The following ANKFN1 variants were observed in gnomAD, a reference collection of about 807,000 sequenced individuals.
ANKFN1 encodes the protein ankyrin repeat and fibronectin type-III domain-containing protein 1.
In ANKFN1, 74 loss-of-function variants were observed where a neutral mutation model predicts 108.7. That is an observed-to-expected ratio of 0.68 (90% CI 0.56 to 0.83). The LOEUF is 0.83. Among genes scored for constraint, ANKFN1 ranks in the 40% least tolerant of loss-of-function variants. The pLI is 0.00. For synonymous variants in ANKFN1, 547 were observed against 516.2 expected (o/e 1.06, Z -0.81); for missense variants, 1,505 against 1,382.3 (o/e 1.09, Z -1.41).
chr17:56,489,438 A>G (rs2050958202), intron 18 of ANKFN1, among the ~76,000 whole-genome samples: 1 of 137,750 alleles, frequency 7.3e-6, no homozygotes, highest in Non-Finnish European at 1.5e-5. Context: ...GTAACATTAA[A>G]GGGTCTGGAT....
intron 4 of ANKFN1, among the ~76,000 whole-genome samples, chr17:56,136,673 TTA>T (rs1171194936): frequency 6.6e-6 from 1 of 152,158 alleles, no homozygotes; most frequent in Non-Finnish European, 1.5e-5. Context: ...TAAATGTCAT[TTA>T]TATACCAAAC....
At chr17:56,281,650 A>T (rs1165614104) in intron 3 of ANKFN1, among the ~76,000 whole-genome samples, 6 of 152,216 alleles carry the variant, frequency 3.9e-5, no homozygotes, top group African/African-American at 1.4e-4. Flanking sequence ...AAACTCAACA[A>T]CAAAAAGACA....
chr17:56,385,404 G>T (rs2144841061), intron 8 of ANKFN1, among the ~76,000 whole-genome samples: 1 of 152,254 alleles, frequency 6.6e-6, no homozygotes, highest in East Asian at 1.9e-4. Context: ...CAGGACATAG[G>T]CATGGGCAAG....
chr17:56,189,769 C>T (rs1912699668), intron 1 of ANKFN1, among the ~76,000 whole-genome samples: 1 of 152,150 alleles, frequency 6.6e-6, no homozygotes, highest in Non-Finnish European at 1.5e-5. Flanking sequence ...TATGATTCAG[C>T]CTACCCCAGC....
At chr17:56,243,657 A>G (rs966408673) in intron 3 of ANKFN1, among the ~76,000 whole-genome samples, 9 of 152,110 alleles carry the variant, frequency 5.9e-5, no homozygotes, top group Non-Finnish European at 1.3e-4. Context: ...CCTAGCCCTG[A>G]TTCCAGATGG....
At chr17:56,072,468 T>C (rs1326908626) in intron 4 of ANKFN1, among the ~76,000 whole-genome samples, 1 of 152,178 alleles carries the variant, frequency 6.6e-6, no homozygotes. Context: ...GCATGTTCAA[T>C]GAGCCTCCAT....
chr17:56,179,498 A>T lies in ANKFN1; in HGVS notation c.-71+25968A>T, dbSNP rs180960241. 4.1e-3 allele frequency among the ~76,000 whole-genome samples: 623 copies of T among 152,316 alleles called. 2 individuals carry two copies. Among genetic ancestry groups the T allele is most frequent in the Non-Finnish European group, 6.8e-3 (462 of 68,024 alleles). On this transcript the variant is annotated intron_variant, in intron 1 of 20. Coordinates refer to ENST00000682825, the MANE Select transcript of ANKFN1 (RefSeq NM_001370326.1). ...TTCAAAGTGCTAGAGGGGGGATAAA[A>T]AAACAGGCAAAAATTGAGACAAGAG...
At chr17:56,237,906 G>A (rs552175521) in intron 3 of ANKFN1, among the ~76,000 whole-genome samples, 8 of 151,972 alleles carry the variant, frequency 5.3e-5, no homozygotes, top group Non-Finnish European at 1.0e-4. Context: ...TTTTGATGTG[G>A]GAGTTTAGTG....
rs138097635 is a variant in ANKFN1, at chr17:56,442,850, A to T, written c.1016A>T (p.Gln339Leu). ...CTITGLTMGQ[Q>L]YFVQVSAYNM... ...CATTTCAATACTTTGCAGGGCCAACAGTATTTTGTTCAAGTCTCGGCTTAC... is the reference window on the plus strand; with the variant it reads ...CATTTCAATACTTTGCAGGGCCAACTGTATTTTGTTCAAGTCTCGGCTTAC... Residue 339 changes from glutamine to leucine, a missense_variant, in exon 10 of 21, where the codon CAG becomes CTG. Transcript: ENST00000682825. 8.9e-4 allele frequency: 1,439 copies of T among 1,613,746 alleles called. 14 individuals are homozygous for T. The highest frequency in any genetic ancestry group is 8.8e-3 in the South Asian group (805 of 91,060).
intron 3 of ANKFN1, among the ~76,000 whole-genome samples, chr17:56,313,369 G>A (rs2045102177): frequency 2.6e-5 from 4 of 152,094 alleles, no homozygotes; most frequent in Admixed American, 2.6e-4. Flanking sequence ...GATTGTTCAG[G>A]GCACAAACAA....
chr17:56,510,401 C>T, intron 20 of ANKFN1, 72 bp from the exon 21 acceptor site: 1 of 1,296,882 alleles, frequency 7.7e-7, no homozygotes, highest in Non-Finnish European at 1.0e-6. Context: ...GTCAAATGCA[C>T]TGTTCCTATG....
At chr17:56,431,436 A>C (rs989889891) in intron 8 of ANKFN1, among the ~76,000 whole-genome samples, 39 of 152,324 alleles carry the variant, frequency 2.6e-4, no homozygotes, top group African/African-American at 8.2e-4. Flanking sequence ...AGGCTCAGAA[A>C]TTAGCTTAAA....
In ANKFN1 at chr17:56,515,635, T is replaced by TA. The variant is rs2051896377; in HGVS notation, c.*4367dup. Among the ~76,000 whole-genome samples, 1 of 152,226 alleles carries TA rather than the reference T, an allele frequency of 6.6e-6. No homozygotes were observed. The highest frequency in any genetic ancestry group is 6.5e-5 in the Admixed American group (1 of 15,288). ...AACCATGTTGTACCACTTGGAAACTTATTCTAAGATCTTAATTCAGACTTT... is the reference window on the plus strand; with the variant it reads ...AACCATGTTGTACCACTTGGAAACTTAATTCTAAGATCTTAATTCAGACTTT... On this transcript the variant is annotated 3_prime_UTR_variant, in exon 21 of 21. Transcript: ENST00000682825.
At chr17:56,074,795 A>G (rs539168499) in intron 4 of ANKFN1, among the ~76,000 whole-genome samples, 2 of 152,332 alleles carry the variant, frequency 1.3e-5, no homozygotes, top group South Asian at 4.1e-4. Flanking sequence ...TAATGAAAAT[A>G]AATCTGTTAT....
intron 1 of ANKFN1, among the ~76,000 whole-genome samples, chr17:56,170,807 T>TATACACACAC (rs1361307404): frequency 1.1e-4 from 7 of 61,462 alleles, no homozygotes; most frequent in African/African-American, 3.5e-4. Flanking sequence ...TATATATATA[T>TATACACACAC]ACACACACAC....
chr17:56,246,820 G>T (rs1447345612), intron 3 of ANKFN1, among the ~76,000 whole-genome samples: 1 of 152,034 alleles, frequency 6.6e-6, no homozygotes, highest in Non-Finnish European at 1.5e-5. Context: ...GAATGTTAAA[G>T]GGTAGACATA....
intron 16 of ANKFN1, among the ~76,000 whole-genome samples, chr17:56,480,422 T>G (rs1349306835): frequency 6.6e-6 from 1 of 152,300 alleles, no homozygotes; most frequent in Middle Eastern, 3.4e-3. Flanking sequence ...TCTCAAAAAC[T>G]GATTCATACA....
At chr17:56,406,129 T>C (rs2047913236) in intron 8 of ANKFN1, among the ~76,000 whole-genome samples, 1 of 152,126 alleles carries the variant, frequency 6.6e-6, no homozygotes, top group Non-Finnish European at 1.5e-5. Flanking sequence ...GACAGAAGGC[T>C]ACCATAAAGG....
intron 4 of ANKFN1, among the ~76,000 whole-genome samples, chr17:56,096,730 A>G (rs931327738): frequency 6.6e-6 from 1 of 152,200 alleles, no homozygotes; most frequent in Non-Finnish European, 1.5e-5. Flanking sequence ...TTAAAACAGA[A>G]CTATGATTTG....
Sources: gnomAD v4.1 joint callset for allele counts (sites outside exome capture counted in the v4.1 genomes callset) on GRCh38, gnomAD v4.1.1 for gene constraint, MANE v1.5 for transcripts, NCBI Gene and HGNC (gene_info 2026-07-23, HGNC 2026-07-21) for gene names.